Variants in PDE4B observed in about 807,000 individuals in gnomAD.
PDE4B encodes the protein 3',5'-cyclic-AMP phosphodiesterase 4B.
In PDE4B, 20 loss-of-function variants were observed where a neutral mutation model predicts 82.2. The ratio of observed to expected loss-of-function variants is 0.24; its 90% CI spans 0.17 to 0.35. The LOEUF (loss-of-function observed/expected upper bound fraction) is 0.35. Ranked by LOEUF, PDE4B falls within the 10% of genes least tolerant of loss-of-function variation. The pLI, the probability that PDE4B is intolerant of heterozygous loss-of-function variation, is 1.00. For missense variants in PDE4B, 655 were observed against 907.2 expected (o/e 0.72, Z 3.57); for synonymous variants, 320 against 318.9 (o/e 1.00, Z -0.04).
chr1:65,841,469 G>A (rs1465679251), intron 1 of PDE4B, among the ~76,000 whole-genome samples: 1 of 152,050 alleles, frequency 6.6e-6, no homozygotes, highest in African/African-American at 2.4e-5. Context: ...CTGGGGTAAG[G>A]TACCTGTGTG....
intron 10 of PDE4B, among the ~76,000 whole-genome samples, chr1:66,362,767 G>A (rs577382627): frequency 3.3e-5 from 5 of 152,282 alleles, no homozygotes; most frequent in East Asian, 1.9e-4. Context: ...AAGGGCAGAG[G>A]AGTTTTCCCT....
At chr1:65,902,158 A>G (rs1646978613) in intron 1 of PDE4B, among the ~76,000 whole-genome samples, 1 of 152,012 alleles carries the variant, frequency 6.6e-6, no homozygotes, top group Non-Finnish European at 1.5e-5. Flanking sequence ...TATGGTGGGT[A>G]TGATCTTGAT....
intron 3 of PDE4B, among the ~76,000 whole-genome samples, chr1:66,041,809 C>CAG (rs1654390480): frequency 1.9e-5 from 1 of 52,696 alleles, no homozygotes; most frequent in South Asian, 1.0e-3. Context: ...TACACACACA[C>CAG]ACACACACAC....
At chr1:66,085,982 C>A (rs1244714214) in intron 3 of PDE4B, among the ~76,000 whole-genome samples, 1 of 152,030 alleles carries the variant, frequency 6.6e-6, no homozygotes, top group Non-Finnish European at 1.5e-5. Flanking sequence ...AACGTTTGAA[C>A]CAAAGCAATC....
intron 1 of PDE4B, among the ~76,000 whole-genome samples, chr1:65,885,600 C>G (rs1255084925): frequency 6.6e-6 from 1 of 151,980 alleles, no homozygotes; most frequent in Non-Finnish European, 1.5e-5. Flanking sequence ...TCTCAGCAAA[C>G]TATCACAAGA....
At position 66,371,095 on chromosome 1, in the gene PDE4B, T is replaced by TAC. The variant is rs1491530626; in HGVS notation, c.1846-1217_1846-1216insCA. Reference sequence around the variant, plus strand: ...ATATATATATACACACACATCATACTATATATATATATATATATATATATA... The same window carrying TAC: ...ATATATATATACACACACATCATACTACATATATATATATATATATATATATA... On this transcript the variant is annotated intron_variant, in intron 16 of 16. Transcript: ENST00000341517. Among the ~76,000 whole-genome samples the TAC allele has an allele frequency of 2.5e-3, 7 of 2,754 alleles. No homozygotes were observed. The East Asian group carries it at 0.039, about 15-fold the overall frequency. The allele number at this position is 2,754 out of a possible 152,430, so 1.8% of individuals were successfully genotyped here. A position where few individuals can be genotyped will look rare whatever the true frequency, so the allele number is the denominator to read the frequency against.
chr1:66,224,775 G>A (rs1307983709), intron 3 of PDE4B, among the ~76,000 whole-genome samples: 1 of 152,110 alleles, frequency 6.6e-6, no homozygotes, highest in African/African-American at 2.4e-5. Flanking sequence ...CTAAACTAAT[G>A]ACCACAAATC....
intron 7 of PDE4B, among the ~76,000 whole-genome samples, chr1:66,271,641 C>T (rs1003200476): frequency 4.6e-5 from 7 of 152,138 alleles, no homozygotes; most frequent in Admixed American, 6.5e-5. Flanking sequence ...ATTTTAGTTC[C>T]GGCCTTTCTT....
chr1:66,089,319 T>C (rs1036568427), intron 3 of PDE4B, among the ~76,000 whole-genome samples: 15 of 152,228 alleles, frequency 9.9e-5, no homozygotes, highest in South Asian at 8.3e-4. Context: ...AGTTACTCAA[T>C]TTTAGTGTTT....
At chr1:65,899,118 A>G (rs531615455) in intron 1 of PDE4B, among the ~76,000 whole-genome samples, 3 of 152,208 alleles carry the variant, frequency 2.0e-5, no homozygotes, top group African/African-American at 7.2e-5. Context: ...CAAATCAGCA[A>G]GAAAAAAACA....
At chr1:65,951,555 G>A (rs1208042021) in intron 3 of PDE4B, among the ~76,000 whole-genome samples, 2 of 152,094 alleles carry the variant, frequency 1.3e-5, no homozygotes, top group Admixed American at 1.3e-4. Context: ...ATTTAAGGCA[G>A]TTTATGATGA....
chr1:66,028,546 T>C (rs1024643296), intron 3 of PDE4B, among the ~76,000 whole-genome samples: 2 of 152,218 alleles, frequency 1.3e-5, no homozygotes, highest in African/African-American at 4.8e-5. Context: ...AAATGGGTTT[T>C]TCTTTTCTAT....
chr1:66,221,001 AT>A (rs900160444), intron 3 of PDE4B, among the ~76,000 whole-genome samples: 1 of 152,146 alleles, frequency 6.6e-6, no homozygotes, highest in African/African-American at 2.4e-5. Flanking sequence ...TTCAGTTAGG[AT>A]TTTTTATTTC....
intron 3 of PDE4B, among the ~76,000 whole-genome samples, chr1:66,045,380 G>T (rs2100841536): frequency 6.6e-6 from 1 of 151,752 alleles, no homozygotes; most frequent in East Asian, 1.9e-4. Flanking sequence ...CTGAGCTAAT[G>T]CTGATTCCCA....
chr1:65,846,279 G>A (rs2101367998), intron 1 of PDE4B, among the ~76,000 whole-genome samples: 1 of 152,294 alleles, frequency 6.6e-6, no homozygotes, highest in East Asian at 1.9e-4. Context: ...CTGTCCATGA[G>A]CTCTGCATTT....
chr1:65,841,321 AAGAG>A (rs1277953313), intron 1 of PDE4B, among the ~76,000 whole-genome samples: 13 of 151,866 alleles, frequency 8.6e-5, no homozygotes, highest in Non-Finnish European at 1.6e-4. Context: ...GAAAGAAAAA[AAGAG>A]AGAGAGAGAA....
intron 3 of PDE4B, among the ~76,000 whole-genome samples, chr1:66,010,475 C>T (rs1652422771): frequency 6.6e-6 from 1 of 151,774 alleles, no homozygotes; most frequent in Non-Finnish European, 1.5e-5. Flanking sequence ...CTAGTCTCTT[C>T]CTCCCATTGT....
Position 66,271,975 on chromosome 1 carries a change from C to G in PDE4B, c.634+5888C>G, listed in dbSNP as rs556382036. Reference sequence around the variant, plus strand: ...TGCATCCCCTCATCTATGAATCAACCTTTTTGCAGCTAGCACTGTGCTGTA... The same window carrying G: ...TGCATCCCCTCATCTATGAATCAACGTTTTTGCAGCTAGCACTGTGCTGTA... On this transcript the variant is annotated intron_variant, in intron 7 of 16. Transcript: ENST00000341517. 3.3e-5 allele frequency among the ~76,000 whole-genome samples: 5 copies of G among 152,346 alleles called. No homozygotes were observed. The South Asian group carries it at 1.0e-3, about 32-fold the overall frequency.
chr1:66,306,711 T>C (rs1658303631), intron 7 of PDE4B, among the ~76,000 whole-genome samples: 1 of 152,146 alleles, frequency 6.6e-6, no homozygotes, highest in Admixed American at 6.6e-5. Flanking sequence ...TCCCTTTGTT[T>C]CATGTAGAAG....
Sources: gnomAD v4.1 joint callset for allele counts (sites outside exome capture counted in the v4.1 genomes callset) on GRCh38, gnomAD v4.1.1 for gene constraint, MANE v1.5 for transcripts, NCBI Gene and HGNC (gene_info 2026-07-23, HGNC 2026-07-21) for gene names.